Variants in LNPEP observed in about 807,000 individuals in gnomAD.
LNPEP encodes leucyl-cystinyl aminopeptidase.
LNPEP carries 64 observed loss-of-function variants against 120.6 expected under a neutral mutation model. The ratio of observed to expected loss-of-function variants is 0.53; its 90% CI spans 0.43 to 0.65. The LOEUF (loss-of-function observed/expected upper bound fraction) is 0.65, where lower values mean the gene tolerates loss of function less well. Among genes scored for constraint, LNPEP ranks in the 30% least tolerant of loss-of-function variants. The pLI, the probability that LNPEP is intolerant of heterozygous loss-of-function variation, is 0.00. For missense variants in LNPEP, 1,057 were observed against 1,200.0 expected (o/e 0.88, Z 1.76); for synonymous variants, 435 against 425.4 (o/e 1.02, Z -0.28).
chr5:96,989,345 A>AATATATTATATATTATATATAATT (rs1790328178), intron 4 of LNPEP, among the ~76,000 whole-genome samples: 1 of 22,150 alleles, frequency 4.5e-5, no homozygotes, highest in Non-Finnish European at 8.1e-5. Flanking sequence ...TATAATATAT[A>AATATATTATATATTATATATAATT]ATATATTATA....
chr5:97,000,717 C>T (rs1388765807), intron 8 of LNPEP, among the ~76,000 whole-genome samples: 2 of 152,198 alleles, frequency 1.3e-5, no homozygotes, highest in Non-Finnish European at 2.9e-5. Context: ...TTCCTCTGGA[C>T]TTTGTCCCAT....
rs138519308 is a variant in LNPEP at position 97,014,139 on chromosome 5, A to AT, written c.2219+312dup. Among the ~76,000 whole-genome samples the AT allele has an allele frequency of 9.2e-3, 1,401 of 152,252 alleles. 23 individuals carry two copies. The highest frequency in any genetic ancestry group is 0.032 in the African/African-American group (1,317 of 41,538). On this transcript the variant is annotated intron_variant, in intron 12 of 17. Coordinates refer to ENST00000231368, the MANE Select transcript of LNPEP (RefSeq NM_005575.3). The stretch of plus-strand genomic sequence containing the variant: ...CTCTATTTTATTTTATAAGAGAATT[A>AT]TTTTCAAACAGCAGTTGGTTTAAGC...
At position 97,037,216 on chromosome 5, in the gene LNPEP, G is replaced by T. The variant is rs1448392236; in HGVS notation, c.*8683G>T. The T allele has an allele frequency of 6.6e-6, 1 of 152,020 alleles. No homozygotes were observed. The highest frequency in any genetic ancestry group is 1.9e-4 in the East Asian group (1 of 5,196). 9.4% of individuals were successfully genotyped at this position (152,020 alleles called of 1,614,324 possible). A position where few individuals can be genotyped will look rare whatever the true frequency, so the allele number is the denominator to read the frequency against. ...AAGTAGTTACTTGGAAACTTGTAAA[G>T]GTATTACATTTTTATATTTAAACAC... On this transcript the variant is annotated 3_prime_UTR_variant, in exon 18 of 18. Coordinates refer to ENST00000231368, the MANE Select transcript of LNPEP (RefSeq NM_005575.3).
chr5:97,012,785 T>A (rs928931802), intron 11 of LNPEP, among the ~76,000 whole-genome samples: 2 of 152,178 alleles, frequency 1.3e-5, no homozygotes, highest in African/African-American at 4.8e-5. Context: ...TTGACATAAT[T>A]CCATGGAAAT....
intron 1 of LNPEP, among the ~76,000 whole-genome samples, chr5:96,976,471 T>G (rs145456247): frequency 1.2e-4 from 19 of 152,270 alleles, no homozygotes; most frequent in African/African-American, 3.4e-4. Context: ...AACTGTAGAA[T>G]ATCTCTTGGC....
chr5:96,961,977 C>G (rs1789618444), intron 1 of LNPEP, among the ~76,000 whole-genome samples: 1 of 152,126 alleles, frequency 6.6e-6, no homozygotes, highest in African/African-American at 2.4e-5. Flanking sequence ...GTTGAGACAT[C>G]AGCCAACCTT....
At chr5:97,012,522 A>G (rs1790961654) in intron 11 of LNPEP, among the ~76,000 whole-genome samples, 2 of 152,170 alleles carry the variant, frequency 1.3e-5, no homozygotes, top group African/African-American at 4.8e-5. Context: ...GTATTTGTTG[A>G]GTACCTGCTA....
intron 4 of LNPEP, among the ~76,000 whole-genome samples, chr5:96,990,499 T>A (rs900843732): frequency 1.4e-4 from 22 of 152,210 alleles, no homozygotes; most frequent in Non-Finnish European, 5.9e-5. Flanking sequence ...TGTTCACACA[T>A]ATTTTGCCTC....
At position 96,959,007 on chromosome 5, in the gene LNPEP, A is replaced by G. The variant is rs1287544495; in HGVS notation, c.20-20131A>G. On this transcript the variant is annotated intron_variant, in intron 1 of 17. Transcript: ENST00000231368. ...TGCCCAGCTAATTTTTGTATTTTTA[A>G]TAGAGACGAGGTTTCACCATGTTGG... 5.9e-5 allele frequency among the ~76,000 whole-genome samples: 9 copies of G among 151,650 alleles called. No homozygotes were observed. In the South Asian group the frequency reaches 1.5e-3, roughly 25 times the overall value.
At chr5:97,004,890 G>C (rs1323848762) in intron 9 of LNPEP, among the ~76,000 whole-genome samples, 2 of 152,024 alleles carry the variant, frequency 1.3e-5, no homozygotes, top group Non-Finnish European at 2.9e-5. Context: ...TAATCTGTTG[G>C]CATTTAGAAC....
chr5:97,029,746 T>G lies in LNPEP; in HGVS notation c.*1213T>G, dbSNP rs1032602523. 7 of 152,146 alleles carry G rather than the reference T, an allele frequency of 4.6e-5. No homozygotes were observed. The highest frequency in any genetic ancestry group is 1.4e-4 in the African/African-American group (6 of 41,448). 9.4% of individuals were successfully genotyped at this position (152,146 alleles called of 1,614,324 possible). On this transcript the variant is annotated 3_prime_UTR_variant, in exon 18 of 18. Transcript: ENST00000231368. ...GTTAAAAATTGTAGTTTTTCTTTTT[T>G]TGTGTGTCCAAACTAACATAAAAGG... is the stretch of plus-strand genomic sequence containing the variant.
chr5:96,998,178 G>C, intron 8 of LNPEP, 33 bp downstream of exon 8: 4 of 1,533,896 alleles, frequency 2.6e-6, no homozygotes, highest in African/African-American at 1.4e-5. Context: ...AGCTGGAGTG[G>C]GTTTAAAATT....
intron 12 of LNPEP, 121 bp downstream of exon 12, chr5:97,013,952 A>T: frequency 1.6e-6 from 1 of 635,956 alleles, no homozygotes; most frequent in Non-Finnish European, 2.5e-6. Flanking sequence ...TACATTTTGG[A>T]GGATTGGGAA....
intron 7 of LNPEP, 49 bp from the exon 8 acceptor site, chr5:96,997,965 T>C: frequency 1.5e-6 from 2 of 1,312,746 alleles, no homozygotes; most frequent in Non-Finnish European, 2.1e-6. Flanking sequence ...TACTATACTT[T>C]TGCATTTGAT....
chr5:97,017,790 T>G (rs191871351), intron 13 of LNPEP, among the ~76,000 whole-genome samples: 1 of 152,284 alleles, frequency 6.6e-6, no homozygotes, highest in African/African-American at 2.4e-5. Flanking sequence ...ATAACAGAAA[T>G]TTATTCTCTC....
rs1256455507 is a variant in LNPEP, at chr5:96,996,339, A to G, written c.1408-51A>G. 6 of 1,033,210 alleles carry G rather than the reference A, an allele frequency of 5.8e-6. No homozygotes were observed. In the South Asian group the frequency reaches 7.7e-5, roughly 13 times the overall value. 64.0% of individuals were successfully genotyped at this position (1,033,210 alleles called of 1,614,324 possible). A position where few individuals can be genotyped will look rare whatever the true frequency, so the allele number is the denominator to read the frequency against. On this transcript the variant is annotated intron_variant, in intron 6 of 17. Transcript: ENST00000231368. ...GACACTTCAGCCAATTATTTAAAAA[A>G]TTCCTGAGGCTGTAAATATCCTGTG...
chr5:97,012,983 C>G (rs1417591063), intron 11 of LNPEP, among the ~76,000 whole-genome samples: 2 of 152,124 alleles, frequency 1.3e-5, no homozygotes, highest in Non-Finnish European at 2.9e-5. Flanking sequence ...GCTAACATGA[C>G]AAAAGACAGA....
At chr5:97,010,310 T>A (rs1266154613) in intron 11 of LNPEP, 1 of 975,736 alleles carries the variant, frequency 1.0e-6, no homozygotes, top group Non-Finnish European at 1.2e-6. Context: ...GATATCACTA[T>A]CAGAAATACT....
At chr5:97,016,009 C>G (rs1791060203) in intron 13 of LNPEP, among the ~76,000 whole-genome samples, 1 of 152,002 alleles carries the variant, frequency 6.6e-6, no homozygotes, top group South Asian at 2.1e-4. Context: ...CCCTGCGTCT[C>G]CTATGAACAG....
Sources: allele counts gnomAD v4.1 joint callset (sites outside exome capture counted in the v4.1 genomes callset), GRCh38; gene constraint gnomAD v4.1.1; transcripts MANE v1.5; gene names NCBI Gene and HGNC (gene_info 2026-07-23, HGNC 2026-07-21).